The following PTPRB variants were observed in gnomAD, a reference collection of about 807,000 sequenced individuals.
The protein encoded by PTPRB is protein tyrosine phosphatase receptor type B, also known as receptor-type tyrosine-protein phosphatase beta.
PTPRB carries 97 observed loss-of-function variants against 238.1 expected under a neutral mutation model. That is an observed-to-expected ratio of 0.41 (90% CI 0.35 to 0.48). The LOEUF is 0.48. PTPRB is among the 20% of genes least tolerant of loss of function. The pLI, the probability that PTPRB is intolerant of heterozygous loss-of-function variation, is 0.30. For synonymous variants in PTPRB, 970 were observed against 995.4 expected (o/e 0.97, Z 0.48); for missense variants, 2,292 against 2,681.9 (o/e 0.85, Z 3.21).
At chr12:70,630,118 A>G (rs1054781556) in intron 2 of PTPRB, among the ~76,000 whole-genome samples, 2 of 152,192 alleles carry the variant, frequency 1.3e-5, no homozygotes, top group African/African-American at 4.8e-5. Context: ...ACAACAAAAA[A>G]AGAGAATTTT....
intron 4 of PTPRB, among the ~76,000 whole-genome samples, chr12:70,600,324 T>C (rs1049404767): frequency 6.6e-6 from 1 of 152,182 alleles, no homozygotes; most frequent in Non-Finnish European, 1.5e-5. Context: ...TCGTGTTGTA[T>C]AGGAACAGGT....
At chr12:70,531,931 G>T in intron 32 of PTPRB, 104 bp downstream of exon 32, 2 of 1,308,118 alleles carry the variant, frequency 1.5e-6, no homozygotes, top group Non-Finnish European at 2.2e-6. Context: ...TCTTCCTAAT[G>T]TGTCATAGTT....
At chr12:70,566,766 T>C (rs1879358604) in intron 14 of PTPRB, 62 bp from the exon 15 acceptor site, 1 of 1,542,872 alleles carries the variant, frequency 6.5e-7, no homozygotes, top group East Asian at 2.3e-5. Flanking sequence ...AAGTCATCAA[T>C]TGAGAAAAAC....
intron 11 of PTPRB, among the ~76,000 whole-genome samples, chr12:70,574,885 A>C (rs1880512866): frequency 6.6e-6 from 1 of 152,196 alleles, no homozygotes; most frequent in African/African-American, 2.4e-5. Context: ...TCAGCAAAAG[A>C]CTTGGCAATA....
At chr12:70,603,317 G>C (rs1198391729) in intron 4 of PTPRB, among the ~76,000 whole-genome samples, 1 of 152,058 alleles carries the variant, frequency 6.6e-6, no homozygotes, top group Non-Finnish European at 1.5e-5. Flanking sequence ...GATCAATAGT[G>C]ACTCGCAATT....
chr12:70,572,179 T>C (rs570003853), intron 11 of PTPRB, 92 bp from the exon 12 acceptor site: 1 of 1,272,288 alleles, frequency 7.9e-7, no homozygotes, highest in Non-Finnish European at 1.1e-6. Context: ...AAAGAGAGAG[T>C]AGATTATTAT....
intron 32 of PTPRB, among the ~76,000 whole-genome samples, chr12:70,526,381 A>T (rs893297915): frequency 7.2e-5 from 11 of 151,874 alleles, no homozygotes; most frequent in Admixed American, 2.6e-4. Context: ...TTAAAAAAAA[A>T]TTTTTTTAGC....
At chr12:70,574,089 C>T (rs1880424196) in intron 11 of PTPRB, among the ~76,000 whole-genome samples, 1 of 152,152 alleles carries the variant, frequency 6.6e-6, no homozygotes, top group Non-Finnish European at 1.5e-5. Flanking sequence ...GGCATGAACT[C>T]GGATCCAGGG....
chr12:70,626,374 C>T (rs188717200), intron 2 of PTPRB, among the ~76,000 whole-genome samples: 14 of 140,022 alleles, frequency 1.0e-4, no homozygotes, highest in Admixed American at 5.3e-4. Flanking sequence ...TATATTCCTG[C>T]CTGCCTGCCT....
In PTPRB at chr12:70,556,827, G is replaced by A. The variant is rs368784796; in HGVS notation, c.4715-679C>T. On this transcript the variant is annotated intron_variant, in intron 18 of 33. Coordinates refer to ENST00000334414, the MANE Select transcript of PTPRB (RefSeq NM_001109754.4). Reference sequence around the variant, plus strand: ...GTTAAGAATTATGTCCTCCTCTGAAGCCATGCAAACAAAAAGAGAGTGGAG... The same window carrying A: ...GTTAAGAATTATGTCCTCCTCTGAAACCATGCAAACAAAAAGAGAGTGGAG... Among the ~76,000 whole-genome samples the A allele has an allele frequency of 9.8e-5, 15 of 152,314 alleles. No individual in the cohort carries two copies. In the South Asian group the frequency reaches 1.2e-3, roughly 13 times the overall value.
At chr12:70,569,643 A>G in intron 14 of PTPRB, 32 bp downstream of exon 14, 1 of 1,610,910 alleles carries the variant, frequency 6.2e-7, no homozygotes, top group Non-Finnish European at 8.5e-7. Flanking sequence ...GAGGCATTCT[A>G]CAATCTAGCC....
intron 22 of PTPRB, chr12:70,542,559 CAG>C (rs1474759604): frequency 1.4e-5 from 2 of 142,996 alleles, no homozygotes; most frequent in African/African-American, 5.4e-5. Flanking sequence ...GCCTGGGTGA[CAG>C]AGCAAGACTC....
At chr12:70,626,902 T>A (rs1035604274) in intron 2 of PTPRB, among the ~76,000 whole-genome samples, 2 of 151,982 alleles carry the variant, frequency 1.3e-5, no homozygotes, top group Non-Finnish European at 2.9e-5. Context: ...ATTAGTGAAA[T>A]AAAGAGTGCA....
intron 5 of PTPRB, 109 bp downstream of exon 5, chr12:70,595,940 A>C: frequency 1.9e-6 from 2 of 1,044,394 alleles, no homozygotes; most frequent in Non-Finnish European, 2.6e-6. Flanking sequence ...ACTAATTGCT[A>C]ATTAATTAAC....
intron 8 of PTPRB, among the ~76,000 whole-genome samples, chr12:70,589,157 T>C (rs371145220): frequency 1.3e-5 from 2 of 152,144 alleles, no homozygotes. Context: ...TTGATCATCA[T>C]CCAGTGGATA....
intron 2 of PTPRB, among the ~76,000 whole-genome samples, chr12:70,635,190 C>T (rs1196721649): frequency 6.6e-6 from 1 of 152,148 alleles, no homozygotes; most frequent in East Asian, 1.9e-4. Flanking sequence ...AAGAGATTTG[C>T]AAAAACACAA....
rs201136742 is a variant in PTPRB, at chr12:70,571,833, C to T, written c.3097G>A (p.Gly1033Arg). The stretch of plus-strand genomic sequence containing the variant: ...CAATCGTTCCACTTACTTGTTCTCC[C>T]ATTCCCTTGTTCATTGGCTTCATAT... ...GQYEANEQGNGRTIPEPVKDL... is the reference protein window; with the variant it reads ...GQYEANEQGNRRTIPEPVKDL... The change falls in exon 12 of 34, where the codon GGG (glycine) becomes AGG (arginine). Residue 1033 changes from glycine to arginine, a missense_variant. By Grantham distance (125) the Gly-to-Arg change is moderately radical. Around this residue, in one of 4 missense-constraint regions of PTPRB, gnomAD observed 1,205 missense variants for 1,287.8 expected, o/e 0.94. Coordinates refer to ENST00000334414, the MANE Select transcript of PTPRB (RefSeq NM_001109754.4). 1.3e-4 allele frequency: 204 copies of T among 1,611,940 alleles called. 2 individuals are homozygous for T. In the South Asian group the frequency reaches 1.7e-3, roughly 13 times the overall value.
chr12:70,609,806 G>C lies in PTPRB; in HGVS notation c.709-467C>G, dbSNP rs1335841767. 11 of 1,584,672 alleles carry C rather than the reference G, an allele frequency of 6.9e-6. No individual in the cohort carries two copies. The Admixed American group carries it at 1.3e-4, about 18-fold the overall frequency. Reference sequence around the variant, plus strand: ...TCCACAAGGCCAACCCGGCTCCATGGCTCAGCATTGCGCTCAGTAGTTAAG... The same window carrying C: ...TCCACAAGGCCAACCCGGCTCCATGCCTCAGCATTGCGCTCAGTAGTTAAG... On this transcript the variant is annotated intron_variant, in intron 3 of 33. Transcript: ENST00000334414.
intron 2 of PTPRB, among the ~76,000 whole-genome samples, chr12:70,632,345 C>T (rs944618627): frequency 6.6e-6 from 1 of 151,846 alleles, no homozygotes; most frequent in Non-Finnish European, 1.5e-5. Context: ...AACCAAACAC[C>T]GCGTGTACCA....
Sources: allele counts gnomAD v4.1 joint callset (sites outside exome capture counted in the v4.1 genomes callset), GRCh38; gene constraint gnomAD v4.1.1; regional missense constraint gnomAD v4.1.1; transcripts MANE v1.5; gene names NCBI Gene and HGNC (gene_info 2026-07-23, HGNC 2026-07-21).